Variants in COL5A2 observed in about 807,000 individuals in gnomAD.
COL5A2 encodes collagen type V alpha 2 chain, also known as collagen alpha-2(V) chain.
Under a neutral mutation model 208.2 loss-of-function variants are expected in COL5A2, and 23 were observed. The observed-to-expected ratio is 0.11, with a 90% CI of 0.08 to 0.16. The LOEUF (loss-of-function observed/expected upper bound fraction) is 0.16, where lower values mean the gene tolerates loss of function less well. Among genes scored for constraint, COL5A2 ranks in the 10% least tolerant of loss-of-function variants. The probability of loss-of-function intolerance (pLI) is 1.00; values close to 1 mark genes in which losing one functional copy is unlikely to be tolerated. For synonymous variants in COL5A2, 625 were observed against 628.5 expected, an observed-to-expected ratio of 0.99 and a Z score of 0.08; for missense variants, 1,590 against 1,956.4, an observed-to-expected ratio of 0.81 and a Z score of 3.53.
At chr2:189,289,084 G>A in the COL5A2 span, among the ~76,000 whole-genome samples, 1 of 152,194 alleles carries the variant, frequency 6.6e-6, no homozygotes, top group Non-Finnish European at 1.5e-5. Context: ...GCTCACACCT[G>A]TAATCCCAGC....
the COL5A2 span, among the ~76,000 whole-genome samples, chr2:189,405,350 A>T: frequency 6.6e-6 from 1 of 151,910 alleles, no homozygotes; most frequent in African/African-American, 2.4e-5. Context: ...TCATGCCTCA[A>T]CCTCCTGAAC....
intron 1 of COL5A2, among the ~76,000 whole-genome samples, chr2:189,213,543 T>C (rs1041398394): frequency 3.3e-5 from 5 of 152,100 alleles, no homozygotes; most frequent in African/African-American, 1.2e-4. Flanking sequence ...GCAGGAAATA[T>C]AGAGGGAAGA....
chr2:189,417,098 A>T, the COL5A2 span, among the ~76,000 whole-genome samples: 1 of 152,192 alleles, frequency 6.6e-6, no homozygotes, highest in African/African-American at 2.4e-5. Flanking sequence ...GAATAAGGTC[A>T]TCTTTCCCCT....
At chr2:189,103,138 C>T (rs941997251) in intron 3 of COL5A2, among the ~76,000 whole-genome samples, 1 of 152,052 alleles carries the variant, frequency 6.6e-6, no homozygotes, top group East Asian at 1.9e-4. Context: ...ATCCATGCAT[C>T]CATCCATCTA....
At position 189,046,440 on chromosome 2, in the gene COL5A2, T is replaced by C. The variant is rs563510208; in HGVS notation, c.3202-533A>G. ...CATACCATCTGCAATCTTATTATGA[T>C]GCAATGTCCCAAGGAATAAATACCT... is the stretch of plus-strand genomic sequence containing the variant. On this transcript the variant is annotated intron_variant, in intron 45 of 53. Transcript: ENST00000374866. 3.3e-5 allele frequency among the ~76,000 whole-genome samples: 5 copies of C among 152,334 alleles called. No individual in the cohort carries two copies. In the South Asian group the frequency reaches 1.0e-3, roughly 32 times the overall value.
At chr2:189,327,195 T>C in the COL5A2 span, among the ~76,000 whole-genome samples, 1 of 152,252 alleles carries the variant, frequency 6.6e-6, no homozygotes, top group African/African-American at 2.4e-5. Flanking sequence ...CTAGTCCTTA[T>C]ATATCTGACT....
At chr2:189,241,422 C>T in the COL5A2 span, among the ~76,000 whole-genome samples, 1 of 152,038 alleles carries the variant, frequency 6.6e-6, no homozygotes, top group Non-Finnish European at 1.5e-5. Context: ...ACTGAAGATT[C>T]CTATTTGATT....
chr2:189,098,856 A>T (rs1192968963), intron 4 of COL5A2, 97 bp from the exon 5 acceptor site: 3 of 844,804 alleles, frequency 3.6e-6, no homozygotes, highest in African/African-American at 1.7e-5. Context: ...AAACCACAGT[A>T]ATTTTTTTAA....
chr2:189,237,138 T>C, the COL5A2 span, among the ~76,000 whole-genome samples: 1 of 151,742 alleles, frequency 6.6e-6, no homozygotes, highest in African/African-American at 2.4e-5. Context: ...GATCTAGAGG[T>C]TTACTGTTTA....
chr2:189,095,594 C>T (rs897628187), intron 6 of COL5A2, among the ~76,000 whole-genome samples: 2 of 151,948 alleles, frequency 1.3e-5, no homozygotes, highest in Non-Finnish European at 2.9e-5. Context: ...GGAAATTGAC[C>T]ACATCACAAA....
intron 1 of COL5A2, among the ~76,000 whole-genome samples, chr2:189,159,433 C>T (rs1034848165): frequency 6.6e-5 from 10 of 152,142 alleles, no homozygotes; most frequent in African/African-American, 2.4e-4. Context: ...ACTGTTTCAT[C>T]GATTTTAAAA....
At chr2:189,384,819 G>A in the COL5A2 span, among the ~76,000 whole-genome samples, 21,592 of 151,974 alleles carry the variant, frequency 0.14, 1,962 homozygotes, top group South Asian at 0.21. Flanking sequence ...AGAAATCGTT[G>A]CATAAACCAA....
Position 189,163,344 on chromosome 2 carries a change from T to C in COL5A2, c.97+16164A>G, listed in dbSNP as rs554948847. Among the ~76,000 whole-genome samples the C allele has an allele frequency of 2.6e-5, 4 of 152,352 alleles. No individual in the cohort carries two copies. In the East Asian group the frequency reaches 5.8e-4, roughly 22 times the overall value. On this transcript the variant is annotated intron_variant, in intron 1 of 53. Transcript: ENST00000374866. The stretch of plus-strand genomic sequence containing the variant: ...GACATCCCTTCTCACCAAAAACATT[T>C]AGAGAACACTGAGTCTGTGGCTAAA...
intron 17 of COL5A2, among the ~76,000 whole-genome samples, chr2:189,075,109 T>G (rs1264461691): frequency 6.6e-6 from 1 of 152,222 alleles, no homozygotes; most frequent in Non-Finnish European, 1.5e-5. Flanking sequence ...GCTATATTCT[T>G]GCCCATTTTA....
Position 189,043,564 on chromosome 2 carries a change from T to A in COL5A2, c.3364-306A>T, listed in dbSNP as rs982031840. Among the ~76,000 whole-genome samples the A allele has an allele frequency of 1.2e-3, 179 of 152,286 alleles. 1 individual carries two copies. The highest frequency in any genetic ancestry group is 4.2e-3 in the African/African-American group (175 of 41,592). ...ATATTTTTGTTTGATCTAGCCTATC[T>A]GAAATGTTTTTTAAAGATTATGCTT... is the stretch of plus-strand genomic sequence containing the variant. On this transcript the variant is annotated intron_variant, in intron 47 of 53. Coordinates refer to ENST00000374866, the MANE Select transcript of COL5A2 (RefSeq NM_000393.5).
At position 189,095,532 on chromosome 2, in the gene COL5A2, C is replaced by T. The variant is rs907472713; in HGVS notation, c.456+1745G>A. On this transcript the variant is annotated intron_variant, in intron 6 of 53. Coordinates refer to ENST00000374866, the MANE Select transcript of COL5A2 (RefSeq NM_000393.5). ...CACACACAAACACACACACACAACA[C>T]GCACACACTTATACCCAATTCACAT... 3.9e-5 allele frequency among the ~76,000 whole-genome samples: 6 copies of T among 151,928 alleles called. 1 individual carries two copies. The highest frequency in any genetic ancestry group is 1.9e-4 in the East Asian group (1 of 5,162).
At chr2:189,388,587 C>A in the COL5A2 span, among the ~76,000 whole-genome samples, 1 of 152,122 alleles carries the variant, frequency 6.6e-6, no homozygotes, top group African/African-American at 2.4e-5. Context: ...GCTTTCAAAG[C>A]AGAAGTGTGA....
chr2:189,055,921 T>TAA (rs1685891841), intron 35 of COL5A2, among the ~76,000 whole-genome samples: 1 of 152,194 alleles, frequency 6.6e-6, no homozygotes, highest in African/African-American at 2.4e-5. Context: ...ATCCATGATG[T>TAA]AAAATATTAA....
intron 8 of COL5A2, 39 bp from the exon 9 acceptor site, chr2:189,086,809 T>C (rs767895867): frequency 1.1e-5 from 17 of 1,526,090 alleles, no homozygotes; most frequent in Non-Finnish European, 1.3e-5. Context: ...AAAGTACTCA[T>C]GACAATTAGG....
Sources: gnomAD v4.1 joint callset for allele counts (sites outside exome capture counted in the v4.1 genomes callset) on GRCh38, gnomAD v4.1.1 for gene constraint, MANE v1.5 for transcripts, NCBI Gene and HGNC (gene_info 2026-07-23, HGNC 2026-07-21) for gene names.